CCDC85C: variants seen among roughly 807,000 people sequenced by gnomAD.
CCDC85C encodes the protein coiled-coil domain containing 85C, also known as coiled-coil domain-containing protein 85C.
A neutral mutation model predicts 38.3 loss-of-function variants in CCDC85C; 18 were observed. The ratio of observed to expected loss-of-function variants is 0.47; its 90% CI spans 0.33 to 0.70. The LOEUF is 0.70. CCDC85C is among the 30% of genes least tolerant of loss of function. The pLI, the probability that CCDC85C is intolerant of heterozygous loss-of-function variation, is 0.03. For missense variants in CCDC85C, 566 were observed against 621.2 expected, an observed-to-expected ratio of 0.91 and a Z score of 0.94; for synonymous variants, 264 against 293.8, an observed-to-expected ratio of 0.90 and a Z score of 1.04.
intron 2 of CCDC85C, among the ~76,000 whole-genome samples, chr14:99,523,583 G>A (rs556572847): frequency 6.6e-6 from 1 of 152,286 alleles, no homozygotes; most frequent in Non-Finnish European, 1.5e-5. Flanking sequence ...AATAGCCCAC[G>A]CCCACCAGAC....
At chr14:99,583,323 G>A (rs1463692266) in intron 1 of CCDC85C, among the ~76,000 whole-genome samples, 1 of 151,460 alleles carries the variant, frequency 6.6e-6, no homozygotes, top group Non-Finnish European at 1.5e-5. Flanking sequence ...TGACTAACAT[G>A]GTGAAACCCC....
At chr14:99,528,217 C>G (rs1334112860) in intron 2 of CCDC85C, among the ~76,000 whole-genome samples, 2 of 152,162 alleles carry the variant, frequency 1.3e-5, no homozygotes, top group African/African-American at 2.4e-5. Flanking sequence ...GGCAGCTCTA[C>G]CTGAAGCCAG....
In CCDC85C at chr14:99,507,212, G is replaced by A. The variant is rs1343448226; in HGVS notation, c.*8034C>T. 1.0e-6 allele frequency: 1 copy of A among 974,958 alleles called. No homozygotes were observed. Among genetic ancestry groups the A allele is most frequent in the Admixed American group, 1.7e-5 (1 of 58,848 alleles). The allele number at this position is 974,958 out of a possible 1,614,324, so 60.4% of individuals were successfully genotyped here. ...CGCCTCTGAATGTTGGACGCAGCAGGTCCTGGGAACTTAGAAAAGGGAGAC... is the reference window on the plus strand; with the variant it reads ...CGCCTCTGAATGTTGGACGCAGCAGATCCTGGGAACTTAGAAAAGGGAGAC... On this transcript the variant is annotated 3_prime_UTR_variant, in exon 6 of 6. Transcript: ENST00000380243.
chr14:99,526,534 G>T (rs2139905904), intron 2 of CCDC85C, among the ~76,000 whole-genome samples: 1 of 152,314 alleles, frequency 6.6e-6, no homozygotes, highest in East Asian at 1.9e-4. Context: ...GTGAGACCCA[G>T]GGAGCAAGGC....
At chr14:99,577,592 GGTGGGAAGGA>G (rs370213517) in intron 1 of CCDC85C, among the ~76,000 whole-genome samples, 44 of 152,176 alleles carry the variant, frequency 2.9e-4, no homozygotes, top group African/African-American at 1.0e-3. Flanking sequence ...TGCAGGATGG[GGTGGGAAGGA>G]GTGAAGTGTG....
At chr14:99,575,956 G>A (rs542322250) in intron 1 of CCDC85C, among the ~76,000 whole-genome samples, 23 of 152,298 alleles carry the variant, frequency 1.5e-4, no homozygotes, top group Non-Finnish European at 3.1e-4. Context: ...TCACACACGT[G>A]GGCTGAGATG....
At chr14:99,562,345 C>G (rs1898133448) in intron 1 of CCDC85C, among the ~76,000 whole-genome samples, 1 of 152,230 alleles carries the variant, frequency 6.6e-6, no homozygotes, top group South Asian at 2.1e-4. Context: ...TTTCACCCTT[C>G]TACCTCCACA....
intron 1 of CCDC85C, among the ~76,000 whole-genome samples, chr14:99,573,318 C>T (rs1898398458): frequency 1.3e-5 from 2 of 152,166 alleles, no homozygotes. Context: ...GTGCATGGGT[C>T]GAGGTGCTCA....
Position 99,602,051 on chromosome 14 carries a change from G to C in CCDC85C, c.793+1116C>G, listed in dbSNP as rs184608127. Among the ~76,000 whole-genome samples the C allele has an allele frequency of 7.7e-3, 1,169 of 152,292 alleles. 9 individuals are homozygous for C. Among genetic ancestry groups the C allele is most frequent in the Middle Eastern group, 0.044 (13 of 294 alleles). ...GCTTAGACACACTTTCTCTGAATTA[G>C]GAAAGGCTTTAAAGGGAACCAGAAA... On this transcript the variant is annotated intron_variant, in intron 1 of 5. Coordinates refer to ENST00000380243, the MANE Select transcript of CCDC85C (RefSeq NM_001144995.2).
At chr14:99,523,280 G>C (rs928702707) in intron 2 of CCDC85C, among the ~76,000 whole-genome samples, 1 of 152,114 alleles carries the variant, frequency 6.6e-6, no homozygotes, top group African/African-American at 2.4e-5. Flanking sequence ...CCAGCCCCTC[G>C]GCCTGGCTGT....
At position 99,510,497 on chromosome 14, in the gene CCDC85C, T is replaced by C. The variant is rs1209927137; in HGVS notation, c.*4749A>G. On this transcript the variant is annotated 3_prime_UTR_variant, in exon 6 of 6. Transcript: ENST00000380243. ...ACCCGCCCAACCCGCCCCCGCCACC[T>C]GTGCCTCCTCCCCCAGCCTCCTTCC... is the stretch of plus-strand genomic sequence containing the variant. The C allele has an allele frequency of 6.7e-6, 3 of 448,042 alleles. No individual in the cohort carries two copies. The highest frequency in any genetic ancestry group is 6.4e-5 in the South Asian group (3 of 46,534). 27.8% of individuals were successfully genotyped at this position (448,042 alleles called of 1,614,324 possible).
chr14:99,574,407 A>C (rs1016569606), intron 1 of CCDC85C, among the ~76,000 whole-genome samples: 1 of 151,672 alleles, frequency 6.6e-6, no homozygotes, highest in Non-Finnish European at 1.5e-5. Flanking sequence ...CTCTCCCCCA[A>C]ACAGGTCCTG....
At chr14:99,577,917 A>AGT (rs368902066) in intron 1 of CCDC85C, among the ~76,000 whole-genome samples, 6,013 of 117,032 alleles carry the variant, frequency 0.051, 151 homozygotes, top group Admixed American at 0.059. Flanking sequence ...ATCCCCCATC[A>AGT]GTGTGTGTGT....
chr14:99,536,728 C>T (rs1237269513), intron 1 of CCDC85C, among the ~76,000 whole-genome samples: 1 of 152,222 alleles, frequency 6.6e-6, no homozygotes, highest in Non-Finnish European at 1.5e-5. Flanking sequence ...GGTCATGTGT[C>T]CCCAGTTTCT....
In CCDC85C at chr14:99,501,181, A is replaced by C. The variant is rs547857760; in HGVS notation, c.*14065T>G. 2.7e-5 allele frequency: 17 copies of C among 618,336 alleles called. No homozygotes were observed. The African/African-American group carries it at 2.9e-4, about 11-fold the overall frequency. 38.3% of individuals were successfully genotyped at this position (618,336 alleles called of 1,614,324 possible). ...ACATGGTGGTTCAGCGTAGGTCATG[A>C]GGAGGAAGAAGGGGTAGGATGTGGA... is the stretch of plus-strand genomic sequence containing the variant. On this transcript the variant is annotated 3_prime_UTR_variant, in exon 6 of 6. Coordinates refer to ENST00000380243, the MANE Select transcript of CCDC85C (RefSeq NM_001144995.2).
Position 99,502,806 on chromosome 14 carries a change from C to A in CCDC85C, c.*12440G>T, listed in dbSNP as rs1375078716. 6.2e-7 allele frequency: 1 copy of A among 1,613,892 alleles called. No homozygotes were observed. Among genetic ancestry groups the A allele is most frequent in the Non-Finnish European group, 8.5e-7 (1 of 1,179,886 alleles). ...CCCCATCAGCTGCAACAGCCCCCAT[C>A]TCTTCAGCCTACACCACAAGTGCCG... On this transcript the variant is annotated 3_prime_UTR_variant, in exon 6 of 6. Coordinates refer to ENST00000380243, the MANE Select transcript of CCDC85C (RefSeq NM_001144995.2).
At chr14:99,542,624 G>C (rs905348862) in intron 1 of CCDC85C, among the ~76,000 whole-genome samples, 3 of 152,158 alleles carry the variant, frequency 2.0e-5, no homozygotes, top group Non-Finnish European at 2.9e-5. Context: ...TTCCCAGGCA[G>C]TCCTCCCCAC....
intron 3 of CCDC85C, among the ~76,000 whole-genome samples, chr14:99,519,544 G>A (rs187020483): frequency 6.6e-6 from 1 of 152,160 alleles, no homozygotes; most frequent in Non-Finnish European, 1.5e-5. Context: ...GGTGCCCAAA[G>A]TGAGGATACC....
chr14:99,551,616 G>A (rs1220663552), intron 1 of CCDC85C, among the ~76,000 whole-genome samples: 1 of 145,770 alleles, frequency 6.9e-6, no homozygotes, highest in Non-Finnish European at 1.5e-5. Context: ...AGGTGGGTGA[G>A]CAGTTGAGTG....
Sources: allele counts gnomAD v4.1 joint callset (sites outside exome capture counted in the v4.1 genomes callset), GRCh38; gene constraint gnomAD v4.1.1; transcripts MANE v1.5; gene names NCBI Gene and HGNC (gene_info 2026-07-23, HGNC 2026-07-21).